CHN2: variants seen among roughly 807,000 people sequenced by gnomAD.
CHN2 encodes the protein chimerin 2, also known as beta-chimaerin.
CHN2 carries 35 observed loss-of-function variants against 56.3 expected under a neutral mutation model. The observed-to-expected ratio is 0.62, with a 90% confidence interval of 0.47 to 0.82. The LOEUF (loss-of-function observed/expected upper bound fraction) is 0.82, where lower values mean the gene tolerates loss of function less well. Among genes scored for constraint, CHN2 ranks in the 40% least tolerant of loss-of-function variants. The pLI, the probability that CHN2 is intolerant of heterozygous loss-of-function variation, is 0.00. For synonymous variants in CHN2, 210 were observed against 212.8 expected, an observed-to-expected ratio of 0.99 and a Z score of 0.12; for missense variants, 491 against 580.5, an observed-to-expected ratio of 0.85 and a Z score of 1.58.
At chr7:29,195,761 G>A (rs893065799) in intron 1 of CHN2, among the ~76,000 whole-genome samples, 6 of 152,016 alleles carry the variant, frequency 3.9e-5, no homozygotes, top group African/African-American at 7.3e-5. Context: ...CAAAGGGAAG[G>A]CTTCTTTCAG....
At chr7:29,306,605 T>C (rs1304757814) in intron 1 of CHN2, among the ~76,000 whole-genome samples, 2 of 152,222 alleles carry the variant, frequency 1.3e-5, no homozygotes, top group Non-Finnish European at 2.9e-5. Context: ...AATGAACTGT[T>C]ATATCCTTGC....
chr7:29,237,430 A>G, intron 1 of CHN2, among the ~76,000 whole-genome samples: 1 of 152,178 alleles, frequency 6.6e-6, no homozygotes, highest in East Asian at 1.9e-4. Flanking sequence ...TACCTTTTCA[A>G]CACGTGTTTG....
At chr7:29,446,523 A>G (rs1180706791) in intron 6 of CHN2, among the ~76,000 whole-genome samples, 1 of 152,146 alleles carries the variant, frequency 6.6e-6, no homozygotes, top group African/African-American at 2.4e-5. Flanking sequence ...GACTGCCCTG[A>G]GAGAATGTCC....
At chr7:29,262,884 C>T (rs544985654) in intron 1 of CHN2, among the ~76,000 whole-genome samples, 17 of 152,282 alleles carry the variant, frequency 1.1e-4, no homozygotes, top group Admixed American at 9.2e-4. Context: ...CCGTGGCACA[C>T]GTTTACCTAT....
rs943174704 is a variant in CHN2, at chr7:29,453,465, A to G, written c.577-26814A>G. Among the ~76,000 whole-genome samples, 2 of 152,132 alleles carry G rather than the reference A, an allele frequency of 1.3e-5. 1 individual carries two copies. The highest frequency in any genetic ancestry group is 1.3e-4 in the Admixed American group (2 of 15,282). ...ACAGCACCTGGGGACCTTGGGACTAAAGTTGTTACCCTGGAGGAGGACACC... is the reference window on the plus strand; with the variant it reads ...ACAGCACCTGGGGACCTTGGGACTAGAGTTGTTACCCTGGAGGAGGACACC... On this transcript the variant is annotated intron_variant, in intron 6 of 12. Coordinates refer to ENST00000222792, the MANE Select transcript of CHN2 (RefSeq NM_004067.4).
rs547270432 is a variant in CHN2, at chr7:29,293,573, C to A, written c.50-61052C>A. ...CCTCTCTCCTTCCCTCACTCAGCTC[C>A]AGACACACAGGCCTCCTTGCAGTTC... On this transcript the variant is annotated intron_variant, in intron 1 of 12. Transcript: ENST00000222792. 3.5e-3 allele frequency among the ~76,000 whole-genome samples: 536 copies of A among 152,268 alleles called. 1 individual carries two copies. Among genetic ancestry groups the A allele is most frequent in the South Asian group, 0.012 (56 of 4,824 alleles).
At chr7:29,359,948 C>T (rs1798595924) in intron 2 of CHN2, among the ~76,000 whole-genome samples, 1 of 152,176 alleles carries the variant, frequency 6.6e-6, no homozygotes, top group Admixed American at 6.5e-5. Flanking sequence ...TCAGGCATAG[C>T]TTGTGCCTGT....
intron 6 of CHN2, among the ~76,000 whole-genome samples, chr7:29,466,779 C>G (rs1287964529): frequency 1.3e-5 from 2 of 152,134 alleles, no homozygotes; most frequent in Non-Finnish European, 2.9e-5. Context: ...TTGAAACTTG[C>G]CTAATTTTTT....
At chr7:29,264,288 C>G (rs543994488) in intron 1 of CHN2, among the ~76,000 whole-genome samples, 2 of 151,990 alleles carry the variant, frequency 1.3e-5, no homozygotes, top group Admixed American at 6.5e-5. Context: ...CCCCTCTGCC[C>G]GGCCGTAACC....
At chr7:29,351,804 A>ATCACTGCAT (rs1164236461) in intron 1 of CHN2, among the ~76,000 whole-genome samples, 2 of 152,140 alleles carry the variant, frequency 1.3e-5, no homozygotes, top group African/African-American at 4.8e-5. Context: ...GTGATGCAGG[A>ATCACTGCAT]CCCATGGGCC....
intron 1 of CHN2, among the ~76,000 whole-genome samples, chr7:29,227,394 T>G (rs1786290703): frequency 6.6e-6 from 1 of 152,194 alleles, no homozygotes; most frequent in Non-Finnish European, 1.5e-5. Context: ...GAGTTCCTGT[T>G]AAAGGTTTGT....
chr7:29,202,997 G>A (rs1784268743), intron 1 of CHN2, among the ~76,000 whole-genome samples: 1 of 152,174 alleles, frequency 6.6e-6, no homozygotes, highest in Admixed American at 6.5e-5. Flanking sequence ...GACCTGCACA[G>A]TCCAGTGTGA....
chr7:29,480,139 ATG>A, intron 6 of CHN2, 138 bp from the exon 7 acceptor site: 2 of 1,563,728 alleles, frequency 1.3e-6, no homozygotes. Context: ...TGGCTGGAAA[ATG>A]AGAAAAAGTG....
At chr7:29,155,689 T>A (rs1347648066) in intron 2 of CHN2, among the ~76,000 whole-genome samples, 1 of 152,180 alleles carries the variant, frequency 6.6e-6, no homozygotes, top group East Asian at 1.9e-4. Context: ...TGCTTCCGTG[T>A]TTTTAAATCC....
chr7:29,418,629 T>G (rs1261463500), intron 6 of CHN2, among the ~76,000 whole-genome samples: 2 of 152,210 alleles, frequency 1.3e-5, no homozygotes, highest in African/African-American at 4.8e-5. Flanking sequence ...TTGAGTATTG[T>G]GTTCTGGGCC....
intron 6 of CHN2, among the ~76,000 whole-genome samples, chr7:29,450,972 T>G (rs977890517): frequency 6.6e-6 from 1 of 152,088 alleles, no homozygotes; most frequent in Non-Finnish European, 1.5e-5. Context: ...GGTTTCACCA[T>G]CTTGGCCAGG....
chr7:29,479,079 G>A (rs1239362752), intron 6 of CHN2, among the ~76,000 whole-genome samples: 6 of 152,088 alleles, frequency 3.9e-5, no homozygotes, highest in Non-Finnish European at 7.4e-5. Context: ...TTACTGTCTG[G>A]CATTAGCTGC....
chr7:29,325,206 G>T (rs1041291688), intron 1 of CHN2, among the ~76,000 whole-genome samples: 2 of 151,986 alleles, frequency 1.3e-5, no homozygotes, highest in Non-Finnish European at 2.9e-5. Context: ...ATTCTGTCCC[G>T]CTCTGATGGA....
rs375876642 is a variant in CHN2 at position 29,307,065 on chromosome 7, G to T, written c.50-47560G>T. Among the ~76,000 whole-genome samples, 25 of 152,270 alleles carry T rather than the reference G, an allele frequency of 1.6e-4. No individual in the cohort carries two copies. The South Asian group carries it at 2.7e-3, about 16-fold the overall frequency. ...GGACAGCAGGAAAGAGATGTGCCTG[G>T]ATATATCCTATCAGTGTTCGCTGAT... On this transcript the variant is annotated intron_variant, in intron 1 of 12. Transcript: ENST00000222792.
Sources: gnomAD v4.1 joint callset for allele counts (sites outside exome capture counted in the v4.1 genomes callset) on GRCh38, gnomAD v4.1.1 for gene constraint, MANE v1.5 for transcripts, NCBI Gene and HGNC (gene_info 2026-07-23, HGNC 2026-07-21) for gene names.